Variants in HS2ST1 observed in about 807,000 individuals in gnomAD.
HS2ST1 encodes heparan sulfate 2-O-sulfotransferase 1.
A neutral mutation model predicts 42.9 loss-of-function variants in HS2ST1; 18 were observed. The observed-to-expected ratio is 0.42, with a 90% CI of 0.29 to 0.62. The LOEUF is 0.62. Ranked by LOEUF, HS2ST1 falls within the 20% of genes least tolerant of loss-of-function variation. The pLI, the probability that HS2ST1 is intolerant of heterozygous loss-of-function variation, is 0.21. For synonymous variants in HS2ST1, 146 were observed against 152.9 expected (o/e 0.95, Z 0.33); for missense variants, 334 against 433.8 (o/e 0.77, Z 2.04).
At chr1:87,019,618 C>T (rs1001793773) in intron 1 of HS2ST1, among the ~76,000 whole-genome samples, 21 of 152,062 alleles carry the variant, frequency 1.4e-4, no homozygotes, top group Non-Finnish European at 2.1e-4. Context: ...GTTGATTTTT[C>T]CTCTTTCAGT....
At chr1:86,922,672 C>T (rs556392222) in intron 1 of HS2ST1, among the ~76,000 whole-genome samples, 1 of 152,236 alleles carries the variant, frequency 6.6e-6, no homozygotes, top group Non-Finnish European at 1.5e-5. Flanking sequence ...TTCTGGCTTG[C>T]ATTGTTTCTG....
intron 2 of HS2ST1, among the ~76,000 whole-genome samples, chr1:87,076,002 T>A (rs1195845677): frequency 6.6e-6 from 1 of 152,140 alleles, no homozygotes; most frequent in Non-Finnish European, 1.5e-5. Context: ...AAAATTTACT[T>A]GGGAACATAA....
At chr1:87,041,560 A>G (rs1009695473) in intron 1 of HS2ST1, among the ~76,000 whole-genome samples, 6 of 152,208 alleles carry the variant, frequency 3.9e-5, no homozygotes, top group Non-Finnish European at 8.8e-5. Context: ...TTCATCTTGC[A>G]TAACTGACAC....
intron 1 of HS2ST1, among the ~76,000 whole-genome samples, chr1:86,933,037 T>C (rs1036319259): frequency 2.6e-5 from 4 of 152,186 alleles, no homozygotes; most frequent in Non-Finnish European, 4.4e-5. Context: ...AAAGTAATTA[T>C]AGAATATTTA....
intron 1 of HS2ST1, among the ~76,000 whole-genome samples, chr1:87,041,467 CG>C (rs1650522495): frequency 1.3e-5 from 2 of 152,066 alleles, no homozygotes; most frequent in South Asian, 4.2e-4. Context: ...AACCTTCCCC[CG>C]CCCTTAACAA....
chr1:87,087,618 A>G (rs535574399), intron 3 of HS2ST1, among the ~76,000 whole-genome samples: 1 of 152,258 alleles, frequency 6.6e-6, no homozygotes, highest in South Asian at 2.1e-4. Flanking sequence ...TTAGGCCTAA[A>G]TAGAATTAGT....
Position 87,105,048 on chromosome 1 carries a change from C to G in HS2ST1, c.*352C>G, listed in dbSNP as rs970833782. 9.6e-6 allele frequency: 2 copies of G among 208,816 alleles called. No individual in the cohort carries two copies. The highest frequency in any genetic ancestry group is 1.9e-5 in the Non-Finnish European group (2 of 103,346). 12.9% of individuals were successfully genotyped at this position (208,816 alleles called of 1,614,324 possible). On this transcript the variant is annotated 3_prime_UTR_variant, in exon 7 of 7. Coordinates refer to ENST00000370550, the MANE Select transcript of HS2ST1 (RefSeq NM_012262.4). ...TGTTTTTGATAAAGCATTTTTTCAACTAACCATGAATTAAGATGAGTCCAT... is the reference window on the plus strand; with the variant it reads ...TGTTTTTGATAAAGCATTTTTTCAAGTAACCATGAATTAAGATGAGTCCAT...
intron 1 of HS2ST1, among the ~76,000 whole-genome samples, chr1:86,981,038 A>G (rs1044926528): frequency 6.6e-6 from 1 of 152,166 alleles, no homozygotes; most frequent in Non-Finnish European, 1.5e-5. Context: ...CAGGAAACTT[A>G]CAATCATGGT....
intron 2 of HS2ST1, among the ~76,000 whole-genome samples, chr1:87,081,663 A>G (rs1361685297): frequency 1.3e-5 from 2 of 152,302 alleles, no homozygotes; most frequent in African/African-American, 4.8e-5. Flanking sequence ...TCCAAAATGA[A>G]TAGAAGAAAT....
At chr1:87,001,323 A>C (rs1649278427) in intron 1 of HS2ST1, among the ~76,000 whole-genome samples, 1 of 152,156 alleles carries the variant, frequency 6.6e-6, no homozygotes, top group Non-Finnish European at 1.5e-5. Context: ...TAATATTATA[A>C]GTTTCAAATC....
intron 1 of HS2ST1, among the ~76,000 whole-genome samples, chr1:86,987,662 ACTGT>A (rs1487679677): frequency 6.6e-6 from 1 of 152,092 alleles, no homozygotes; most frequent in African/African-American, 2.4e-5. Context: ...ACTGCAATAG[ACTGT>A]CTGACTCTGC....
chr1:86,937,945 T>C (rs1001098126), intron 1 of HS2ST1, among the ~76,000 whole-genome samples: 2 of 152,180 alleles, frequency 1.3e-5, no homozygotes, highest in East Asian at 3.9e-4. Flanking sequence ...AATAAAACTT[T>C]AAAAATGCAT....
chr1:86,966,369 C>T (rs1262726345), intron 1 of HS2ST1, among the ~76,000 whole-genome samples: 3 of 152,118 alleles, frequency 2.0e-5, no homozygotes, highest in East Asian at 1.9e-4. Context: ...TTTCCTACTC[C>T]GGTGATAGCC....
At chr1:86,998,078 G>A (rs968855091) in intron 1 of HS2ST1, among the ~76,000 whole-genome samples, 3 of 152,160 alleles carry the variant, frequency 2.0e-5, no homozygotes, top group Non-Finnish European at 4.4e-5. Flanking sequence ...TGCTACAGAA[G>A]GTAAGACCTA....
intron 1 of HS2ST1, chr1:87,045,265 C>A (rs368157407): frequency 2.8e-4 from 305 of 1,089,876 alleles, no homozygotes; most frequent in East Asian, 2.0e-3. Context: ...GGATGTTGAT[C>A]AATAAAGTAT....
intron 1 of HS2ST1, among the ~76,000 whole-genome samples, chr1:87,037,178 T>C (rs1650396410): frequency 6.6e-6 from 1 of 152,204 alleles, no homozygotes; most frequent in African/African-American, 2.4e-5. Flanking sequence ...GTGAAAGTAG[T>C]ATGTGAATGT....
intron 4 of HS2ST1, among the ~76,000 whole-genome samples, chr1:87,094,970 T>C (rs570501945): frequency 6.6e-6 from 1 of 152,288 alleles, no homozygotes; most frequent in Admixed American, 6.5e-5. Context: ...AATTACTTTG[T>C]TTTGTGCTAG....
intron 1 of HS2ST1, among the ~76,000 whole-genome samples, chr1:86,995,774 G>T (rs533991747): frequency 3.3e-5 from 5 of 151,454 alleles, no homozygotes; most frequent in Non-Finnish European, 4.4e-5. Flanking sequence ...TTCTCTTTAG[G>T]GATAGCAAAA....
intron 1 of HS2ST1, among the ~76,000 whole-genome samples, chr1:86,959,125 A>G (rs1045991865): frequency 6.6e-6 from 1 of 152,226 alleles, no homozygotes; most frequent in Admixed American, 6.5e-5. Flanking sequence ...ACTTACAGCT[A>G]ACATCATATT....
Sources: gnomAD v4.1 joint callset for allele counts (sites outside exome capture counted in the v4.1 genomes callset) on GRCh38, gnomAD v4.1.1 for gene constraint, MANE v1.5 for transcripts, NCBI Gene and HGNC (gene_info 2026-07-23, HGNC 2026-07-21) for gene names.